The following DPP10 variants were observed in gnomAD, a reference collection of about 807,000 sequenced individuals.
The protein encoded by DPP10 is dipeptidyl peptidase like 10, also known as inactive dipeptidyl peptidase 10.
In DPP10, 33 loss-of-function variants were observed where a neutral mutation model predicts 120.9. That is an observed-to-expected ratio of 0.27 (90% CI 0.21 to 0.37). The LOEUF (loss-of-function observed/expected upper bound fraction) is 0.37, where lower values mean the gene tolerates loss of function less well. DPP10 is among the 10% of genes least tolerant of loss of function. The probability of loss-of-function intolerance (pLI) is 1.00; values close to 1 mark genes in which losing one functional copy is unlikely to be tolerated. For synonymous variants in DPP10, 337 were observed against 326.1 expected (o/e 1.03, Z -0.36); for missense variants, 816 against 942.8 (o/e 0.87, Z 1.76).
At chr2:114,842,823 C>T (rs1688261939) in intron 1 of DPP10, among the ~76,000 whole-genome samples, 1 of 151,688 alleles carries the variant, frequency 6.6e-6, no homozygotes, top group African/African-American at 2.4e-5. Context: ...AGATTCTAAA[C>T]TGCTAGAAAG....
chr2:114,473,693 C>T (rs377490429), intron 1 of DPP10, among the ~76,000 whole-genome samples: 7 of 152,130 alleles, frequency 4.6e-5, no homozygotes, highest in East Asian at 1.9e-4. Context: ...AAGGTAAACA[C>T]GTGCAATAGA....
intron 1 of DPP10, among the ~76,000 whole-genome samples, chr2:115,080,414 G>T (rs1039087927): frequency 6.6e-6 from 1 of 152,134 alleles, no homozygotes; most frequent in East Asian, 1.9e-4. Context: ...AACTAAAATG[G>T]CTCATGAGTA....
intron 11 of DPP10, among the ~76,000 whole-genome samples, chr2:115,756,109 C>T (rs184126812): frequency 1.3e-5 from 2 of 152,082 alleles, no homozygotes; most frequent in East Asian, 1.9e-4. Flanking sequence ...CATGCTCTTA[C>T]GTCTATCTGG....
At chr2:114,993,808 TCTA>T (rs1700909093) in intron 1 of DPP10, among the ~76,000 whole-genome samples, 1 of 151,886 alleles carries the variant, frequency 6.6e-6, no homozygotes, top group Non-Finnish European at 1.5e-5. Flanking sequence ...TGCACACGAG[TCTA>T]CATGTTTGAA....
intron 1 of DPP10, among the ~76,000 whole-genome samples, chr2:114,718,847 A>G (rs761284776): frequency 6.6e-6 from 1 of 152,242 alleles, no homozygotes; most frequent in Non-Finnish European, 1.5e-5. Context: ...ACTGAGGTGC[A>G]GAGAGGCTAA....
At chr2:115,019,710 G>A (rs1263800461) in intron 1 of DPP10, among the ~76,000 whole-genome samples, 1 of 152,140 alleles carries the variant, frequency 6.6e-6, no homozygotes, top group East Asian at 1.9e-4. Flanking sequence ...TAGGCACATA[G>A]TCATCAGGTT....
At chr2:114,924,334 C>T (rs1347566520) in intron 1 of DPP10, among the ~76,000 whole-genome samples, 7 of 152,062 alleles carry the variant, frequency 4.6e-5, no homozygotes, top group Admixed American at 6.6e-5. Flanking sequence ...TGAGACCAGG[C>T]TGGGCAACAT....
intron 3 of DPP10, among the ~76,000 whole-genome samples, chr2:115,488,925 AAAACAAAC>A (rs917098910): frequency 1.5e-4 from 23 of 151,758 alleles, no homozygotes; most frequent in African/African-American, 4.8e-4. Context: ...GCCATGTTGT[AAAACAAAC>A]AAACAAAGAA....
chr2:114,592,563 G>A (rs139627750), intron 1 of DPP10, among the ~76,000 whole-genome samples: 1 of 152,084 alleles, frequency 6.6e-6, no homozygotes, highest in African/African-American at 2.4e-5. Context: ...GCTGAGGAAT[G>A]ATGCAGGCAT....
chr2:115,738,489 TC>T (rs1187804104), intron 8 of DPP10, among the ~76,000 whole-genome samples: 2 of 152,156 alleles, frequency 1.3e-5, no homozygotes, highest in Non-Finnish European at 2.9e-5. Context: ...TTTGCCACTC[TC>T]CATATGACAA....
chr2:115,389,023 T>G (rs2106530228), intron 3 of DPP10, among the ~76,000 whole-genome samples: 1 of 152,270 alleles, frequency 6.6e-6, no homozygotes, highest in South Asian at 2.1e-4. Flanking sequence ...GGAAAATACA[T>G]ATAACTTCTC....
intron 4 of DPP10, among the ~76,000 whole-genome samples, chr2:115,502,473 A>C (rs909312332): frequency 2.0e-5 from 3 of 152,148 alleles, no homozygotes; most frequent in Non-Finnish European, 4.4e-5. Context: ...AACTATTTCA[A>C]ACAAAAGCTC....
chr2:115,425,410 T>A (rs1218186391), intron 3 of DPP10, among the ~76,000 whole-genome samples: 1 of 152,206 alleles, frequency 6.6e-6, no homozygotes, highest in Non-Finnish European at 1.5e-5. Flanking sequence ...AAGGATCTAA[T>A]ATTATAGTTT....
chr2:114,449,446 C>A (rs957244702), intron 1 of DPP10, among the ~76,000 whole-genome samples: 16 of 151,096 alleles, frequency 1.1e-4, no homozygotes, highest in African/African-American at 3.6e-4. Context: ...CTTGGAAATT[C>A]TTCATAGCAC....
chr2:115,562,172 G>A (rs1453590076), intron 5 of DPP10, among the ~76,000 whole-genome samples: 1 of 152,154 alleles, frequency 6.6e-6, no homozygotes, highest in Non-Finnish European at 1.5e-5. Context: ...AAGTCATCGG[G>A]CTGTACAAAT....
chr2:115,717,594 C>T (rs1047136734), intron 7 of DPP10, among the ~76,000 whole-genome samples: 1 of 150,728 alleles, frequency 6.6e-6, no homozygotes, highest in Non-Finnish European at 1.5e-5. Context: ...AATGTTAGTT[C>T]TCAAAAAAAA....
intron 5 of DPP10, among the ~76,000 whole-genome samples, chr2:115,645,336 G>C (rs1303110197): frequency 3.3e-5 from 5 of 152,276 alleles, no homozygotes; most frequent in Non-Finnish European, 5.9e-5. Flanking sequence ...TTATTTAGAA[G>C]ATTAGAAAAT....
chr2:114,806,590 C>G (rs1169319037), intron 1 of DPP10, among the ~76,000 whole-genome samples: 1 of 152,108 alleles, frequency 6.6e-6, no homozygotes, highest in East Asian at 1.9e-4. Context: ...GTTCTTAGAT[C>G]GTTATGAGTT....
intron 1 of DPP10, among the ~76,000 whole-genome samples, chr2:115,007,825 C>T (rs1202656562): frequency 6.7e-6 from 1 of 148,310 alleles, no homozygotes; most frequent in African/African-American, 2.5e-5. Context: ...CTCCCATTCA[C>T]AATTGCTTCA....
Sources: allele counts gnomAD v4.1 joint callset (sites outside exome capture counted in the v4.1 genomes callset), GRCh38; gene constraint gnomAD v4.1.1; transcripts MANE v1.5; gene names NCBI Gene and HGNC (gene_info 2026-07-23, HGNC 2026-07-21).